The following ATP8B4 variants were observed in gnomAD, a reference collection of about 807,000 sequenced individuals.
ATP8B4 encodes probable phospholipid-transporting ATPase IM.
In ATP8B4, 133 loss-of-function variants were observed where a neutral mutation model predicts 145.6. The observed-to-expected ratio is 0.91, with a 90% confidence interval of 0.79 to 1.05. ATP8B4 has a LOEUF of 1.05. ATP8B4 is among the 50% of genes least tolerant of loss of function. The pLI, the probability that ATP8B4 is intolerant of heterozygous loss-of-function variation, is 0.00. For missense variants in ATP8B4, 1,458 were observed against 1,425.2 expected, an observed-to-expected ratio of 1.02 and a Z score of -0.37; for synonymous variants, 507 against 492.9, an observed-to-expected ratio of 1.03 and a Z score of -0.38.
chr15:49,997,523 C>A (rs2047524997), intron 8 of ATP8B4, among the ~76,000 whole-genome samples: 2 of 152,062 alleles, frequency 1.3e-5, no homozygotes, highest in South Asian at 4.1e-4. Flanking sequence ...GTGGTACTTT[C>A]CTTCAGTCAA....
At chr15:49,923,880 T>C (rs567105055) in intron 16 of ATP8B4, among the ~76,000 whole-genome samples, 1 of 152,314 alleles carries the variant, frequency 6.6e-6, no homozygotes, top group South Asian at 2.1e-4. Context: ...AGACCTGCTG[T>C]TCAAATCAGT....
chr15:49,865,386 A>G (rs1388867664), intron 26 of ATP8B4, among the ~76,000 whole-genome samples: 5 of 152,146 alleles, frequency 3.3e-5, no homozygotes, highest in Admixed American at 2.6e-4. Context: ...AAACCAGTAA[A>G]TGGGTCTCCC....
At chr15:50,056,674 A>T (rs889984514) in intron 3 of ATP8B4, among the ~76,000 whole-genome samples, 1 of 150,596 alleles carries the variant, frequency 6.6e-6, no homozygotes, top group Non-Finnish European at 1.5e-5. Context: ...TTTAATTACT[A>T]TACACAATAT....
intron 3 of ATP8B4, among the ~76,000 whole-genome samples, chr15:50,052,864 T>C (rs1469366737): frequency 2.0e-5 from 3 of 152,162 alleles, no homozygotes; most frequent in Non-Finnish European, 4.4e-5. Context: ...AAAGAGTCTT[T>C]ATTATAAAGA....
intron 2 of ATP8B4, among the ~76,000 whole-genome samples, chr15:50,099,758 G>A (rs1228587553): frequency 1.3e-5 from 2 of 152,134 alleles, no homozygotes; most frequent in African/African-American, 4.8e-5. Context: ...TGCAAGACAT[G>A]CCAGGCGCGG....
At chr15:50,159,266 G>A (rs1272001245) in intron 1 of ATP8B4, among the ~76,000 whole-genome samples, 6 of 152,112 alleles carry the variant, frequency 3.9e-5, no homozygotes, top group African/African-American at 1.4e-4. Context: ...GCAATGTAAA[G>A]GGGATTATAT....
chr15:50,008,848 T>C (rs1260975566), intron 7 of ATP8B4, among the ~76,000 whole-genome samples: 1 of 152,192 alleles, frequency 6.6e-6, no homozygotes, highest in African/African-American at 2.4e-5. Flanking sequence ...AGCACGTTCA[T>C]GGGGCTCCTA....
intron 5 of ATP8B4, among the ~76,000 whole-genome samples, chr15:50,039,885 T>C (rs1372750253): frequency 6.6e-6 from 1 of 152,338 alleles, no homozygotes; most frequent in East Asian, 1.9e-4. Flanking sequence ...AGTTAATAGA[T>C]ATTACCAGTA....
At chr15:50,014,325 T>A (rs16963231) in intron 6 of ATP8B4, among the ~76,000 whole-genome samples, 9,921 of 152,204 alleles carry the variant, frequency 0.065, 359 homozygotes, top group Non-Finnish European at 0.085. Flanking sequence ...CTCATACACT[T>A]TTTTTGTTCA....
intron 2 of ATP8B4, among the ~76,000 whole-genome samples, chr15:50,086,737 A>G (rs1316121095): frequency 1.7e-5 from 1 of 58,066 alleles, no homozygotes; most frequent in Non-Finnish European, 2.6e-5. Context: ...ATAGAGATCT[A>G]TATTTATTAT....
chr15:50,018,235 G>A (rs758526745), intron 6 of ATP8B4, among the ~76,000 whole-genome samples: 2 of 152,056 alleles, frequency 1.3e-5, no homozygotes, highest in Non-Finnish European at 2.9e-5. Context: ...TGATCTGCCC[G>A]CCTCAGCCTC....
At chr15:49,875,499 T>G (rs1041178670) in intron 25 of ATP8B4, among the ~76,000 whole-genome samples, 1 of 152,190 alleles carries the variant, frequency 6.6e-6, no homozygotes, top group East Asian at 1.9e-4. Flanking sequence ...AGAGGTCACA[T>G]AGCTTGCTGT....
At chr15:50,030,791 GT>G (rs1179926795) in intron 6 of ATP8B4, among the ~76,000 whole-genome samples, 2 of 152,156 alleles carry the variant, frequency 1.3e-5, no homozygotes, top group Non-Finnish European at 2.9e-5. Flanking sequence ...CATGTGCAGA[GT>G]TTTGAAAGTG....
chr15:49,989,638 G>T (rs2046897041), intron 9 of ATP8B4, among the ~76,000 whole-genome samples: 1 of 151,990 alleles, frequency 6.6e-6, no homozygotes, highest in Non-Finnish European at 1.5e-5. Flanking sequence ...AAGGGGTACT[G>T]CCTGGGTTCT....
chr15:50,135,725 A>G (rs941393661), intron 1 of ATP8B4, among the ~76,000 whole-genome samples: 4 of 152,232 alleles, frequency 2.6e-5, no homozygotes, highest in African/African-American at 9.6e-5. Context: ...CCTGACATAC[A>G]TAAAACTGTA....
rs563115581 is a variant in ATP8B4, at chr15:49,987,298, C to A, written c.748+93G>T. ...CACGACTTTGCATGGAATGAAAGCA[C>A]TGCGCTCATCAGAACACAGAGAATC... is the stretch of plus-strand genomic sequence containing the variant. On this transcript the variant is annotated intron_variant, in intron 10 of 27. Transcript: ENST00000284509. 19 of 1,417,912 alleles carry A rather than the reference C, an allele frequency of 1.3e-5. No homozygotes were observed. The African/African-American group carries it at 2.4e-4, about 18-fold the overall frequency. The allele number at this position is 1,417,912 out of a possible 1,614,324, so 87.8% of individuals were successfully genotyped here. A position where few individuals can be genotyped will look rare whatever the true frequency, so the allele number is the denominator to read the frequency against.
intron 10 of ATP8B4, among the ~76,000 whole-genome samples, chr15:49,986,959 G>A (rs959883045): frequency 7.2e-6 from 1 of 139,340 alleles, no homozygotes; most frequent in Non-Finnish European, 1.5e-5. Flanking sequence ...AATGATTACA[G>A]GATCAAGAAG....
chr15:49,876,802 A>G (rs994217559), intron 24 of ATP8B4: 4 of 548,366 alleles, frequency 7.3e-6, no homozygotes, highest in Non-Finnish European at 1.4e-5. Context: ...GTTTGAGCCT[A>G]GCTATTTGGC....
rs1172057363 is a variant in ATP8B4 at position 49,858,885 on chromosome 15, A to G, written c.*1309T>C. ...ACTTAACTCATCTGTTTATGAAATA[A>G]TTATGTTTTTAATAATTTCAGAGTT... On this transcript the variant is annotated 3_prime_UTR_variant, in exon 28 of 28. Coordinates refer to ENST00000284509, the MANE Select transcript of ATP8B4 (RefSeq NM_024837.4). 1 of 152,188 alleles carries G rather than the reference A, an allele frequency of 6.6e-6. No homozygotes were observed. The highest frequency in any genetic ancestry group is 2.4e-5 in the African/African-American group (1 of 41,446). 9.4% of individuals were successfully genotyped at this position (152,188 alleles called of 1,614,324 possible). A position where few individuals can be genotyped will look rare whatever the true frequency, so the allele number is the denominator to read the frequency against.
Sources: allele counts gnomAD v4.1 joint callset (sites outside exome capture counted in the v4.1 genomes callset), GRCh38; gene constraint gnomAD v4.1.1; transcripts MANE v1.5; gene names NCBI Gene and HGNC (gene_info 2026-07-23, HGNC 2026-07-21).